Variants in ADAMTS6 observed in about 807,000 individuals in gnomAD.
The protein encoded by ADAMTS6 is A disintegrin and metalloproteinase with thrombospondin motifs 6.
In ADAMTS6, 23 loss-of-function variants were observed where a neutral mutation model predicts 144.3. That is an observed-to-expected ratio of 0.16 (90% CI 0.11 to 0.23). The LOEUF (loss-of-function observed/expected upper bound fraction) is 0.23. Among genes scored for constraint, ADAMTS6 ranks in the 10% least tolerant of loss-of-function variants. ADAMTS6 has a pLI of 1.00. For missense variants in ADAMTS6, 999 were observed against 1,379.6 expected (o/e 0.72, Z 4.37); for synonymous variants, 444 against 457.5 (o/e 0.97, Z 0.38).
At chr5:65,225,078 A>G (rs1757630027) in intron 16 of ADAMTS6, 31 bp from the exon 17 acceptor site, 8 of 1,596,510 alleles carry the variant, frequency 5.0e-6, no homozygotes, top group Middle Eastern at 1.7e-4. Flanking sequence ...TCAGTGTGTC[A>G]AGAGAGAAAT....
intron 7 of ADAMTS6, among the ~76,000 whole-genome samples, chr5:65,405,568 G>A (rs547938596): frequency 4.6e-5 from 7 of 152,324 alleles, no homozygotes; most frequent in Non-Finnish European, 1.0e-4. Flanking sequence ...ATAGTTTGAA[G>A]TCAGGTAGTG....
intron 7 of ADAMTS6, among the ~76,000 whole-genome samples, chr5:65,416,575 T>C (rs1247067211): frequency 6.6e-6 from 1 of 151,804 alleles, no homozygotes; most frequent in Non-Finnish European, 1.5e-5. Flanking sequence ...AACTAACATG[T>C]GGTATATCCC....
At chr5:65,460,033 A>G (rs1452626744) in intron 4 of ADAMTS6, 137 bp downstream of exon 4, 4 of 858,960 alleles carry the variant, frequency 4.7e-6, no homozygotes, top group South Asian at 4.6e-5. Context: ...GGTGACATCT[A>G]TTAAAAGGGC....
chr5:65,376,316 T>A (rs1751540063), intron 7 of ADAMTS6, among the ~76,000 whole-genome samples: 2 of 152,074 alleles, frequency 1.3e-5, no homozygotes, highest in South Asian at 4.1e-4. Flanking sequence ...CCGGACATGG[T>A]GGCACGCGCC....
At chr5:65,249,026 T>TGCGC (rs1491053045) in intron 14 of ADAMTS6, among the ~76,000 whole-genome samples, 1 of 152,000 alleles carries the variant, frequency 6.6e-6, no homozygotes, top group Non-Finnish European at 1.5e-5. Flanking sequence ...TGTGTGTGTG[T>TGCGC]GCGCGCATGT....
chr5:65,277,700 G>A (rs772500103), intron 11 of ADAMTS6, among the ~76,000 whole-genome samples: 1 of 151,962 alleles, frequency 6.6e-6, no homozygotes, highest in Non-Finnish European at 1.5e-5. Flanking sequence ...CTTATGGCAC[G>A]CTTTGCAAAA....
chr5:65,258,508 T>G (rs543974595), intron 14 of ADAMTS6, among the ~76,000 whole-genome samples: 1 of 152,184 alleles, frequency 6.6e-6, no homozygotes, highest in African/African-American at 2.4e-5. Flanking sequence ...GGGTTTTGAG[T>G]AAAAGATAAT....
rs751439428 is a variant in ADAMTS6 at position 65,452,795 on chromosome 5, A to G, written c.755T>C (p.Val252Ala). Residue 252 changes from valine (V) to alanine (A), a missense_variant, in exon 5 of 25, where the codon GTG becomes GCG. Transcript: ENST00000381055. ...TTTGTCTGCCACTACCAATGTCTCCACAAACCGTTCAATGCTCACTGATCT... is the reference window on the plus strand; with the variant it reads ...TTTGTCTGCCACTACCAATGTCTCCGCAAACCGTTCAATGCTCACTGATCT... Reference protein sequence around the residue: ...QKRSVSIERFVETLVVADKMM... With the variant: ...QKRSVSIERFAETLVVADKMM... 1.2e-6 allele frequency: 2 copies of G among 1,614,082 alleles called. No homozygotes were observed. The highest frequency in any genetic ancestry group is 2.2e-5 in the South Asian group (2 of 91,076).
chr5:65,473,493 A>T (rs1011022123), intron 2 of ADAMTS6, 84 bp downstream of exon 2: 83 of 1,206,594 alleles, frequency 6.9e-5, no homozygotes, highest in Non-Finnish European at 9.6e-5. Flanking sequence ...AAAAAAAACT[A>T]TCCACCCAAA....
chr5:65,199,033 A>G (rs1302041783), intron 20 of ADAMTS6, among the ~76,000 whole-genome samples: 2 of 152,150 alleles, frequency 1.3e-5, no homozygotes, highest in Non-Finnish European at 2.9e-5. Flanking sequence ...GTCAACTACC[A>G]ACTCCAACAG....
intron 7 of ADAMTS6, among the ~76,000 whole-genome samples, chr5:65,418,404 C>CAA (rs150496538): frequency 0.014 from 2,170 of 151,558 alleles, 49 homozygotes; most frequent in African/African-American, 0.05. Context: ...AAACAAACAG[C>CAA]AAAAAAAACT....
intron 3 of ADAMTS6, among the ~76,000 whole-genome samples, chr5:65,466,971 G>A (rs1561570104): frequency 6.6e-6 from 1 of 151,866 alleles, no homozygotes. Context: ...GGACCCGGGA[G>A]GCGGAGCTTG....
At position 65,260,635 on chromosome 5, in the gene ADAMTS6, C is replaced by T. The variant is rs1761107332; in HGVS notation, c.1795G>A (p.Gly599Arg). The T allele has an allele frequency of 2.5e-6, 4 of 1,613,354 alleles. No homozygotes were observed. The highest frequency in any genetic ancestry group is 1.7e-5 in the Admixed American group (1 of 59,972). Reference protein sequence around the residue: ...APSGGGKYCLGERKRYRSCNT... With the variant: ...APSGGGKYCLRERKRYRSCNT... ...CAGGAGCGATACCGTTTCCTTTCCC[C>T]AAGGCAATATTTTCCACCTCCTGAA... Residue 599 changes from glycine (G) to arginine (R), a missense_variant, in exon 14 of 25, where the codon GGG (glycine) becomes AGG (arginine). Transcript: ENST00000381055.
At chr5:65,229,856 G>A (rs192397178) in intron 15 of ADAMTS6, among the ~76,000 whole-genome samples, 15 of 152,128 alleles carry the variant, frequency 9.9e-5, no homozygotes, top group African/African-American at 2.9e-4. Flanking sequence ...AGAAATAATG[G>A]CTGAAAAATT....
At chr5:65,424,942 A>G (rs900282468) in intron 7 of ADAMTS6, among the ~76,000 whole-genome samples, 2 of 151,430 alleles carry the variant, frequency 1.3e-5, no homozygotes, top group Non-Finnish European at 2.9e-5. Flanking sequence ...ATAATTTTTT[A>G]CTCCCTTGGT....
At chr5:65,183,374 C>A (rs149661089) in intron 22 of ADAMTS6, among the ~76,000 whole-genome samples, 3 of 152,168 alleles carry the variant, frequency 2.0e-5, no homozygotes, top group Admixed American at 1.3e-4. Flanking sequence ...ACGTTACATT[C>A]ACGGAACTCT....
intron 7 of ADAMTS6, among the ~76,000 whole-genome samples, chr5:65,415,007 C>T (rs996411544): frequency 6.6e-5 from 10 of 151,876 alleles, no homozygotes. Flanking sequence ...AAAATAAAAC[C>T]TTTCACGCTT....
intron 7 of ADAMTS6, among the ~76,000 whole-genome samples, chr5:65,397,614 C>T (rs2150157145): frequency 6.6e-6 from 1 of 151,948 alleles, no homozygotes; most frequent in South Asian, 2.1e-4. Flanking sequence ...TGGTGGCTCA[C>T]ACCTGTAATC....
At position 65,334,011 on chromosome 5, in the gene ADAMTS6, A is replaced by AC; in HGVS notation, c.1117+30_1117+31insG. 17 of 1,381,366 alleles carry AC rather than the reference A, an allele frequency of 1.2e-5. No homozygotes were observed. In the South Asian group the frequency reaches 2.4e-4, roughly 19 times the overall value. The allele number at this position is 1,381,366 out of a possible 1,614,324, so 85.6% of individuals were successfully genotyped here. A position where few individuals can be genotyped will look rare whatever the true frequency, so the allele number is the denominator to read the frequency against. The stretch of plus-strand genomic sequence containing the variant: ...TCTACCTTTATTAAAAAAAAAAAAA[A>AC]AAAAAAAAAAAAAAACCAAAAAAAA... On this transcript the variant is annotated intron_variant, in intron 8 of 24. Coordinates refer to ENST00000381055, the MANE Select transcript of ADAMTS6 (RefSeq NM_197941.4).
Sources: allele counts gnomAD v4.1 joint callset (sites outside exome capture counted in the v4.1 genomes callset), GRCh38; gene constraint gnomAD v4.1.1; transcripts MANE v1.5; gene names NCBI Gene and HGNC (gene_info 2026-07-23, HGNC 2026-07-21).